The following CCDC178 variants were observed in gnomAD, a reference collection of about 807,000 sequenced individuals.
CCDC178 encodes coiled-coil domain-containing protein 178.
CCDC178 carries 126 observed loss-of-function variants against 117.4 expected under a neutral mutation model. The observed-to-expected ratio is 1.07, with a 90% CI of 0.93 to 1.24. CCDC178 has a LOEUF of 1.24. CCDC178 is among the 50% of genes most tolerant of loss of function. The probability of loss-of-function intolerance (pLI) is 0.00; values close to 1 mark genes in which losing one functional copy is unlikely to be tolerated. For synonymous variants in CCDC178, 283 were observed against 313.4 expected (o/e 0.90, Z 1.02); for missense variants, 1,030 against 986.9 (o/e 1.04, Z -0.59).
chr18:33,169,763 T>C (rs2058576056), intron 20 of CCDC178, among the ~76,000 whole-genome samples: 1 of 152,198 alleles, frequency 6.6e-6, no homozygotes, highest in Non-Finnish European at 1.5e-5. Context: ...GCTTGTAGTA[T>C]AGGAACATAT....
At chr18:33,085,808 G>A (rs867507239) in intron 21 of CCDC178, among the ~76,000 whole-genome samples, 3 of 151,720 alleles carry the variant, frequency 2.0e-5, no homozygotes, top group South Asian at 2.1e-4. Context: ...CTTCAATGAC[G>A]GTTAAATTTT....
chr18:33,189,618 T>G (rs2058835248), intron 20 of CCDC178, among the ~76,000 whole-genome samples: 1 of 152,158 alleles, frequency 6.6e-6, no homozygotes. Flanking sequence ...GCTAAGCAAT[T>G]GGCATACTTT....
chr18:33,169,769 C>T (rs550421478), intron 20 of CCDC178, among the ~76,000 whole-genome samples: 57 of 152,234 alleles, frequency 3.7e-4, no homozygotes, highest in African/African-American at 1.3e-3. Flanking sequence ...AGTATAGGAA[C>T]ATATAATGGC....
chr18:33,269,949 T>C (rs559368478), intron 12 of CCDC178, among the ~76,000 whole-genome samples: 4 of 151,842 alleles, frequency 2.6e-5, no homozygotes, highest in African/African-American at 7.2e-5. Flanking sequence ...AATTGGAAAT[T>C]TGAAATATGT....
At chr18:33,286,002 C>G (rs1265075924) in intron 12 of CCDC178, among the ~76,000 whole-genome samples, 2 of 128,868 alleles carry the variant, frequency 1.6e-5, no homozygotes, top group African/African-American at 2.9e-5. Context: ...GAGATGGAGT[C>G]TCACTCTGTC....
rs538597740 is a variant in CCDC178, at chr18:33,195,637, C to T, written c.2238+16259G>A. 9.2e-5 allele frequency among the ~76,000 whole-genome samples: 14 copies of T among 152,258 alleles called. No homozygotes were observed. In the South Asian group the frequency reaches 2.9e-3, roughly 32 times the overall value. ...TCCTCAAGTCATCCTCATATACCTT[C>T]CCCTTCCACAGACTATTGAACAGTA... On this transcript the variant is annotated intron_variant, in intron 20 of 22. Coordinates refer to ENST00000383096, the MANE Select transcript of CCDC178 (RefSeq NM_001105528.4).
intron 20 of CCDC178, among the ~76,000 whole-genome samples, chr18:33,188,119 A>G (rs2058817563): frequency 6.7e-6 from 1 of 149,734 alleles, no homozygotes; most frequent in African/African-American, 2.5e-5. Context: ...TAGGGAACAA[A>G]TAACAGCACT....
intron 21 of CCDC178, among the ~76,000 whole-genome samples, chr18:33,011,744 G>T (rs1212911155): frequency 8.8e-6 from 1 of 113,758 alleles, no homozygotes; most frequent in East Asian, 3.2e-4. Flanking sequence ...TTAACTTAAC[G>T]TGGCAAATGA....
intron 12 of CCDC178, among the ~76,000 whole-genome samples, chr18:33,288,806 C>T (rs1247557006): frequency 6.6e-6 from 1 of 152,078 alleles, no homozygotes; most frequent in African/African-American, 2.4e-5. Flanking sequence ...AGAGAATGAA[C>T]AGTGTCAAAC....
chr18:33,022,363 T>C (rs2056139766), intron 21 of CCDC178, among the ~76,000 whole-genome samples: 1 of 152,202 alleles, frequency 6.6e-6, no homozygotes, highest in Non-Finnish European at 1.5e-5. Context: ...TTTCCCCCTC[T>C]TGAGTTTTCT....
intron 21 of CCDC178, among the ~76,000 whole-genome samples, chr18:33,082,593 T>C (rs1348418071): frequency 2.6e-5 from 4 of 152,210 alleles, no homozygotes; most frequent in Admixed American, 6.5e-5. Context: ...ACTATGTTAC[T>C]AGAGCCTCTC....
chr18:32,937,775 T>C lies in CCDC178; in HGVS notation c.*236A>G. ...TCAGATGAGGCAAAGCCAATTGCAA[T>C]CAGTCACCCAGAGCTGAAATTAGAT... On this transcript the variant is annotated 3_prime_UTR_variant, in exon 23 of 23. Transcript: ENST00000383096. 2 of 459,664 alleles carry C rather than the reference T, an allele frequency of 4.4e-6. No homozygotes were observed. Among genetic ancestry groups the C allele is most frequent in the South Asian group, 8.3e-5 (2 of 24,174 alleles). 28.5% of individuals were successfully genotyped at this position (459,664 alleles called of 1,614,324 possible).
chr18:33,315,961 T>C (rs1238011250), intron 11 of CCDC178, among the ~76,000 whole-genome samples: 1 of 152,242 alleles, frequency 6.6e-6, no homozygotes, highest in South Asian at 2.1e-4. Context: ...ATCTCCCATA[T>C]ATACAAGCAT....
intron 7 of CCDC178, among the ~76,000 whole-genome samples, chr18:33,349,514 G>A (rs2062942745): frequency 6.6e-6 from 1 of 151,888 alleles, no homozygotes; most frequent in South Asian, 2.1e-4. Context: ...AGTGTCTTGA[G>A]AGGTGACTAT....
chr18:33,415,337 G>A (rs565719354), intron 2 of CCDC178, among the ~76,000 whole-genome samples: 23 of 152,188 alleles, frequency 1.5e-4, no homozygotes, highest in Admixed American at 9.8e-4. Context: ...TTAAGAAAAT[G>A]TGGCACATAT....
chr18:33,323,577 A>G lies in CCDC178; in HGVS notation c.936T>C (p.Cys312=). ...NEELEEALEA[C]ENARLKAQQI... ...GCTGAGCCTTCAATCTGGCATTTTC[A>G]CAGGCTTCTAAAGCTTCTTCAAGTT... The change falls in exon 11 of 23, where the codon TGT becomes TGC. Residue 312 remains cysteine, a synonymous_variant. Transcript: ENST00000383096. The G allele has an allele frequency of 1.3e-6, 2 of 1,572,142 alleles. No individual in the cohort carries two copies. Among genetic ancestry groups the G allele is most frequent in the Non-Finnish European group, 1.7e-6 (2 of 1,158,060 alleles).
intron 14 of CCDC178, among the ~76,000 whole-genome samples, chr18:33,262,380 C>T (rs1381307188): frequency 6.6e-6 from 1 of 152,028 alleles, no homozygotes; most frequent in East Asian, 1.9e-4. Flanking sequence ...CTCCAACCTT[C>T]CTTTTTTTCA....
intron 12 of CCDC178, among the ~76,000 whole-genome samples, chr18:33,279,864 T>G (rs2059999208): frequency 6.6e-6 from 1 of 152,170 alleles, no homozygotes; most frequent in Non-Finnish European, 1.5e-5. Flanking sequence ...GGATTCCCTA[T>G]TTAATAAATG....
chr18:33,328,477 T>C (rs772891946), intron 10 of CCDC178, among the ~76,000 whole-genome samples: 89 of 152,112 alleles, frequency 5.9e-4, no homozygotes, highest in Non-Finnish European at 9.9e-4. Flanking sequence ...GAGTTAATGT[T>C]TATATGGTGT....
Sources: allele counts gnomAD v4.1 joint callset (sites outside exome capture counted in the v4.1 genomes callset), GRCh38; gene constraint gnomAD v4.1.1; transcripts MANE v1.5; gene names NCBI Gene and HGNC (gene_info 2026-07-23, HGNC 2026-07-21).